Variants in HABP4 observed in about 807,000 individuals in gnomAD.
HABP4 encodes the protein intracellular hyaluronan-binding protein 4.
In HABP4, 32 loss-of-function variants were observed where a neutral mutation model predicts 44.1. The ratio of observed to expected loss-of-function variants is 0.73; its 90% confidence interval spans 0.55 to 0.97. The LOEUF is 0.97. Ranked by LOEUF, HABP4 falls within the 50% of genes least tolerant of loss-of-function variation. The pLI is 0.00. For synonymous variants in HABP4, 216 were observed against 218.0 expected (o/e 0.99, Z 0.08); for missense variants, 503 against 561.9 (o/e 0.90, Z 1.06).
chr9:96,456,716 C>A (rs1347300922), intron 1 of HABP4, among the ~76,000 whole-genome samples: 2 of 133,032 alleles, frequency 1.5e-5, no homozygotes, highest in Non-Finnish European at 3.1e-5. Flanking sequence ...GCCGAGATGG[C>A]GCCGCTGTAC....
At chr9:96,458,266 C>T in intron 1 of HABP4, 113 bp from the exon 2 acceptor site, 1 of 1,091,786 alleles carries the variant, frequency 9.2e-7, no homozygotes, top group Non-Finnish European at 1.4e-6. Flanking sequence ...TTCCTGAATT[C>T]TCCTATGACG....
chr9:96,485,546 G>A (rs373979340), intron 6 of HABP4, among the ~76,000 whole-genome samples: 8 of 152,318 alleles, frequency 5.3e-5, no homozygotes, highest in East Asian at 1.9e-4. Context: ...GAGCTCCTCC[G>A]TGTTGTGAGG....
intron 5 of HABP4, among the ~76,000 whole-genome samples, chr9:96,477,494 T>C (rs1469834400): frequency 6.6e-6 from 1 of 152,228 alleles, no homozygotes; most frequent in East Asian, 1.9e-4. Context: ...CACAGTGTTA[T>C]ACCTGCTACT....
chr9:96,473,031 G>A (rs548553524), intron 5 of HABP4, among the ~76,000 whole-genome samples: 13 of 152,126 alleles, frequency 8.5e-5, no homozygotes, highest in East Asian at 5.8e-4. Flanking sequence ...CTTGTCTTTC[G>A]GGTCTTTTAA....
intron 5 of HABP4, among the ~76,000 whole-genome samples, chr9:96,472,145 T>G (rs150615313): frequency 7.8e-4 from 118 of 152,250 alleles, no homozygotes; most frequent in African/African-American, 2.5e-3. Context: ...GACCTGCTGC[T>G]GTAACTTGCT....
At chr9:96,486,283 G>C (rs185716077) in intron 6 of HABP4, among the ~76,000 whole-genome samples, 1 of 152,318 alleles carries the variant, frequency 6.6e-6, no homozygotes, top group Admixed American at 6.5e-5. Context: ...GTTTTGAGCT[G>C]TTCCACAAGA....
At chr9:96,457,763 G>A (rs1346957829) in intron 1 of HABP4, among the ~76,000 whole-genome samples, 5 of 152,040 alleles carry the variant, frequency 3.3e-5, no homozygotes, top group Admixed American at 3.3e-4. Flanking sequence ...AGCATCTTGG[G>A]AGGCTGAGGC....
intron 6 of HABP4, among the ~76,000 whole-genome samples, chr9:96,484,912 A>G (rs1364765902): frequency 6.6e-6 from 1 of 152,128 alleles, no homozygotes; most frequent in African/African-American, 2.4e-5. Context: ...TATTAACTGT[A>G]TTTCATTTTT....
Position 96,484,590 on chromosome 9 carries a change from C to G in HABP4, c.956C>G (p.Pro319Arg). ...FNIRKPESTVPSKAVVIHKSK... is the reference protein window; with the variant it reads ...FNIRKPESTVRSKAVVIHKSK... ...ATCCGGAAACCAGAATCCACTGTTC[C>G]TTCCAAAGCCGTGGTGATTCACAAG... The change falls in exon 6 of 8, where the codon CCT (proline) becomes CGT (arginine). Residue 319 changes from proline to arginine, a missense_variant. Around this residue, in one of 3 missense-constraint regions of HABP4, gnomAD observed 131 missense variants for 189.8 expected, o/e 0.69. Transcript: ENST00000375249. 5 of 1,599,158 alleles carry G rather than the reference C, an allele frequency of 3.1e-6. No homozygotes were observed. Among genetic ancestry groups the G allele is most frequent in the Non-Finnish European group, 4.3e-6 (5 of 1,166,368 alleles).
At chr9:96,454,898 G>A (rs1028868538) in intron 1 of HABP4, among the ~76,000 whole-genome samples, 3 of 152,102 alleles carry the variant, frequency 2.0e-5, no homozygotes, top group Non-Finnish European at 4.4e-5. Context: ...AGGATCACTC[G>A]AGCTCTGGGG....
rs534926975 is a variant in HABP4 at position 96,488,934 on chromosome 9, G to C, written c.1185+660G>C. On this transcript the variant is annotated intron_variant, in intron 7 of 7. Transcript: ENST00000375249. The surrounding 1 kb of genome is among the most constrained non-coding windows in gnomAD (Gnocchi z 4.6). ...CTCACTGGTGTGGCTATCGGTCAGCGGCTGCTTTTGCTCATTACCGGTTTA... is the reference window on the plus strand; with the variant it reads ...CTCACTGGTGTGGCTATCGGTCAGCCGCTGCTTTTGCTCATTACCGGTTTA... 1.3e-3 allele frequency among the ~76,000 whole-genome samples: 203 copies of C among 152,272 alleles called. 2 individuals are homozygous for C. The highest frequency in any genetic ancestry group is 4.8e-3 in the African/African-American group (200 of 41,550).
intron 2 of HABP4, among the ~76,000 whole-genome samples, chr9:96,461,526 T>G (rs1390699108): frequency 6.6e-6 from 1 of 152,162 alleles, no homozygotes; most frequent in Non-Finnish European, 1.5e-5. Flanking sequence ...CACCACATGA[T>G]ATAGCAGATC....
chr9:96,482,121 G>C (rs1284680757), intron 5 of HABP4, among the ~76,000 whole-genome samples: 1 of 151,996 alleles, frequency 6.6e-6, no homozygotes, highest in Non-Finnish European at 1.5e-5. Context: ...GTATTTTTTA[G>C]TAGAGACGGG....
chr9:96,480,625 A>T (rs1832859969), intron 5 of HABP4, among the ~76,000 whole-genome samples: 1 of 152,208 alleles, frequency 6.6e-6, no homozygotes, highest in Non-Finnish European at 1.5e-5. Flanking sequence ...GTTTTTTGAC[A>T]CATTTCATAA....
chr9:96,458,780 G>C (rs796416714), intron 2 of HABP4, among the ~76,000 whole-genome samples: 1 of 151,936 alleles, frequency 6.6e-6, no homozygotes, highest in Non-Finnish European at 1.5e-5. Flanking sequence ...GTGCCACCAC[G>C]CCCGGCTAAT....
At chr9:96,460,752 T>G (rs550579539) in intron 2 of HABP4, among the ~76,000 whole-genome samples, 2 of 152,318 alleles carry the variant, frequency 1.3e-5, no homozygotes, top group Non-Finnish European at 2.9e-5. Flanking sequence ...TGGAATGAGG[T>G]TACGCACTTT....
At chr9:96,486,581 G>T (rs940714656) in intron 6 of HABP4, among the ~76,000 whole-genome samples, 1 of 147,710 alleles carries the variant, frequency 6.8e-6, no homozygotes, top group Non-Finnish European at 1.5e-5. Context: ...AAGCAAGTGG[G>T]TTAGCTGAGT....
intron 1 of HABP4, among the ~76,000 whole-genome samples, chr9:96,455,499 C>T (rs1374528323): frequency 6.8e-6 from 1 of 147,748 alleles, no homozygotes; most frequent in Non-Finnish European, 1.5e-5. Context: ...CACAGTGACT[C>T]ACACCTGTAA....
At chr9:96,452,493 ATGT>A (rs1236161606) in intron 1 of HABP4, among the ~76,000 whole-genome samples, 1 of 151,962 alleles carries the variant, frequency 6.6e-6, no homozygotes, top group Non-Finnish European at 1.5e-5. Flanking sequence ...CCTGCACTTG[ATGT>A]TGTCATGTAG....
Sources: gnomAD v4.1 joint callset for allele counts (sites outside exome capture counted in the v4.1 genomes callset) on GRCh38, gnomAD v4.1.1 for gene constraint, gnomAD v4.1.1 regional missense constraint, Gnocchi (gnomAD v3.1) non-coding constraint, MANE v1.5 for transcripts, NCBI Gene and HGNC (gene_info 2026-07-23, HGNC 2026-07-21) for gene names.